Variants in LCTL observed in about 807,000 individuals in gnomAD.
The protein encoded by LCTL is lactase like.
LCTL carries 76 observed loss-of-function variants against 75.8 expected under a neutral mutation model. The ratio of observed to expected loss-of-function variants is 1.00; its 90% confidence interval spans 0.83 to 1.21. The LOEUF (loss-of-function observed/expected upper bound fraction) is 1.21. Ranked by LOEUF, LCTL falls within the 50% of genes most tolerant of loss-of-function variation. The pLI, the probability that LCTL is intolerant of heterozygous loss-of-function variation, is 0.00. For synonymous variants in LCTL, 271 were observed against 268.8 expected, an observed-to-expected ratio of 1.01 and a Z score of -0.08; for missense variants, 670 against 712.4, an observed-to-expected ratio of 0.94 and a Z score of 0.68.
chr15:66,552,911 G>A, intron 9 of LCTL, 73 bp downstream of exon 10: 1 of 1,277,146 alleles, frequency 7.8e-7, no homozygotes, highest in South Asian at 2.3e-5. Context: ...TCTAATGTAG[G>A]CACCTGAGCT....
At chr15:66,557,218 A>AGTCATTTTTAGGTAGAATTTTCTGTTAC in intron 8 of LCTL, among the ~76,000 whole-genome samples, 1 of 152,172 alleles carries the variant, frequency 6.6e-6, no homozygotes, top group East Asian at 1.9e-4. Context: ...CCCTACTTCA[A>AGTCATTTTTAGGTAGAATTTTCTGTTAC]GTCATTTTTA....
chr15:66,550,616 G>C (rs1361923337), intron 11 of LCTL, among the ~76,000 whole-genome samples: 1 of 151,788 alleles, frequency 6.6e-6, no homozygotes, highest in Non-Finnish European at 1.5e-5. Flanking sequence ...TAGTCAGCTG[G>C]GACTACAGGC....
chr15:66,557,241 T>G (rs1895760903), intron 8 of LCTL, among the ~76,000 whole-genome samples: 1 of 152,220 alleles, frequency 6.6e-6, no homozygotes, highest in South Asian at 2.1e-4. Context: ...TAGAATTTTC[T>G]GTTACGTGGC....
chr15:66,563,818 G>A, intron 3 of LCTL, 93 bp downstream of exon 4: 2 of 1,040,318 alleles, frequency 1.9e-6, no homozygotes, highest in Non-Finnish European at 1.5e-6. Flanking sequence ...TTCATGGGCT[G>A]ATCTCCCTCC....
exon 2 of LCTL, chr15:66,564,765 T>C (rs1437960495): frequency 3.1e-6 from 5 of 1,613,648 alleles, no homozygotes; most frequent in Non-Finnish European, 4.2e-6. Flanking sequence ...ACGTCCCAGA[T>C]GCTAGGCCCT....
intron 2 of LCTL, 147 bp downstream of exon 3, chr15:66,564,529 C>T: frequency 1.1e-6 from 1 of 914,326 alleles, no homozygotes; most frequent in Non-Finnish European, 1.6e-6. Context: ...CCTCTGGCTG[C>T]ACTGGGGTAG....
exon 9 of LCTL, chr15:66,553,041 C>T (rs1052405251): frequency 5.0e-6 from 8 of 1,585,690 alleles, no homozygotes; most frequent in South Asian, 2.3e-5. Context: ...GCCATTTAGA[C>T]CCCAGATCTG....
intron 8 of LCTL, among the ~76,000 whole-genome samples, chr15:66,556,005 G>A (rs1895731782): frequency 6.6e-6 from 1 of 152,162 alleles, no homozygotes; most frequent in Admixed American, 6.5e-5. Context: ...AAAATAACAA[G>A]TGTTGGCAAG....
At chr15:66,552,376 A>G (rs564364355) in intron 9 of LCTL, among the ~76,000 whole-genome samples, 1 of 152,314 alleles carries the variant, frequency 6.6e-6, no homozygotes, top group Admixed American at 6.5e-5. Flanking sequence ...ATTTCTCAAT[A>G]AATGAACATT....
At chr15:66,565,006 G>C (rs988313759) in intron 1 of LCTL, among the ~76,000 whole-genome samples, 167 bp from the exon 3 acceptor site, 1 of 152,158 alleles carries the variant, frequency 6.6e-6, no homozygotes, top group Non-Finnish European at 1.5e-5. Context: ...AGGCACGGTA[G>C]GGGAAGATAT....
At chr15:66,554,976 G>C (rs1359281679) in intron 8 of LCTL, among the ~76,000 whole-genome samples, 1 of 152,082 alleles carries the variant, frequency 6.6e-6, no homozygotes, top group African/African-American at 2.4e-5. Context: ...ACATGTCCAG[G>C]TGTAATCTAT....
At chr15:66,561,381 C>A in intron 4 of LCTL, 66 bp from the exon 6 acceptor site, 1 of 1,588,634 alleles carries the variant, frequency 6.3e-7, no homozygotes, top group South Asian at 1.1e-5. Context: ...TGGAGATAAG[C>A]TGTGTGACAG....
At chr15:66,563,519 T>C in exon 4 of LCTL, 1 of 1,609,770 alleles carries the variant, frequency 6.2e-7, no homozygotes. Flanking sequence ...TCCTCACCTG[T>C]GGCAGATCCC....
chr15:66,562,089 C>T (rs1595710535), intron 4 of LCTL, among the ~76,000 whole-genome samples: 1 of 152,266 alleles, frequency 6.6e-6, no homozygotes, highest in East Asian at 1.9e-4. Context: ...GATGGGACCA[C>T]CTTCTCCCCA....
At chr15:66,552,879 G>T (rs1595932446) in intron 9 of LCTL, 105 bp downstream of exon 10, 3 of 1,042,420 alleles carry the variant, frequency 2.9e-6, no homozygotes, top group Non-Finnish European at 3.9e-6. Flanking sequence ...GAGTAACTAG[G>T]TTTATTTTGT....
At chr15:66,551,980 T>G in intron 10 of LCTL, 63 bp downstream of exon 11, 3 of 1,575,128 alleles carry the variant, frequency 1.9e-6, no homozygotes, top group Non-Finnish European at 2.6e-6. Context: ...GTTGATTGTG[T>G]GTTAATCACA....
chr15:66,558,504 A>T (rs1236555330), intron 6 of LCTL, among the ~76,000 whole-genome samples: 3 of 152,124 alleles, frequency 2.0e-5, no homozygotes, highest in Non-Finnish European at 4.4e-5. Context: ...GTAGGTCAAC[A>T]CCTAAGAGAG....
At position 66,564,713 on chromosome 15, in the gene LCTL, G is replaced by A. The variant is rs199953149; in HGVS notation, c.245C>T (p.Thr82Met). ...GTAGCCGTCACAGGCTACATCTGCC[G>A]TCTCATTCCCAAGCACTTTCCCCTT... The change falls in exon 2 of 13, where the codon ACG becomes ATG. Residue 82 changes from threonine to methionine, a missense_variant. Physicochemically the swap from Thr to Met is moderately conservative, Grantham distance 81 (BLOSUM62 -1). Transcript: ENST00000341509. 3.7e-5 allele frequency: 59 copies of A among 1,613,250 alleles called. No individual in the cohort carries two copies. Among genetic ancestry groups the A allele is most frequent in the Admixed American group, 6.7e-5 (4 of 59,982 alleles).
chr15:66,564,519 C>T (rs1475320728), intron 2 of LCTL, 157 bp downstream of exon 3: 1 of 826,258 alleles, frequency 1.2e-6, no homozygotes, highest in Non-Finnish European at 1.8e-6. Context: ...GGCCCTGCCC[C>T]CTCTGGCTGC....
Sources: gnomAD v4.1 joint callset for allele counts (sites outside exome capture counted in the v4.1 genomes callset) on GRCh38, gnomAD v4.1.1 for gene constraint, MANE v1.5 for transcripts, NCBI Gene and HGNC (gene_info 2026-07-23, HGNC 2026-07-21) for gene names.